INO80: variants seen among roughly 807,000 people sequenced by gnomAD.
INO80 encodes chromatin-remodeling ATPase INO80.
Under a neutral mutation model 203.4 loss-of-function variants are expected in INO80, and 20 were observed. The ratio of observed to expected loss-of-function variants is 0.10; its 90% CI spans 0.07 to 0.14. The LOEUF is 0.14. INO80 is among the 10% of genes least tolerant of loss of function. INO80 has a pLI of 1.00. For missense variants in INO80, 1,419 were observed against 1,914.4 expected, an observed-to-expected ratio of 0.74 and a Z score of 4.83; for synonymous variants, 726 against 685.2, an observed-to-expected ratio of 1.06 and a Z score of -0.93.
chr15:41,058,605 A>G, intron 16 of INO80, 34 bp downstream of exon 16: 2 of 1,592,752 alleles, frequency 1.3e-6, no homozygotes, highest in South Asian at 1.1e-5. Flanking sequence ...ACTTAACCCA[A>G]TGCATTGAGT....
At position 41,096,257 on chromosome 15, in the gene INO80, C is replaced by A. The variant is rs1280499512; in HGVS notation, c.54G>T (p.Lys18Asn). ...RDDGGCTELAKPLYLQYLERA... is the reference protein window; with the variant it reads ...RDDGGCTELANPLYLQYLERA... ...TCTCCAAGTACTGAAGATAGAGGGG[C>A]TTTGCCAGCTCAGTGCAGCCTCCAT... The change falls in exon 2 of 36, where the codon AAG (lysine) becomes AAT (asparagine). Residue 18 changes from lysine (K) to asparagine (N), a missense_variant. Lys to Asn is a moderately conservative substitution (Grantham distance 94). Transcript: ENST00000648947. 4.3e-6 allele frequency: 7 copies of A among 1,612,238 alleles called. No individual in the cohort carries two copies. In the African/African-American group the frequency reaches 9.4e-5, roughly 22 times the overall value.
intron 9 of INO80, among the ~76,000 whole-genome samples, chr15:41,075,044 T>A (rs1186221707): frequency 1.3e-5 from 2 of 152,170 alleles, no homozygotes; most frequent in African/African-American, 2.4e-5. Flanking sequence ...GCACAATGAA[T>A]AACTTTCATT....
At chr15:41,098,682 C>T (rs934526421) in intron 1 of INO80, among the ~76,000 whole-genome samples, 2 of 151,888 alleles carry the variant, frequency 1.3e-5, no homozygotes, top group Admixed American at 1.3e-4. Context: ...AAAATGAAGA[C>T]AAGCCACAGA....
At chr15:41,076,466 CTTTT>C (rs566456701) in intron 9 of INO80, among the ~76,000 whole-genome samples, 2 of 144,230 alleles carry the variant, frequency 1.4e-5, no homozygotes, top group African/African-American at 2.5e-5. Context: ...TGCAAACTTT[CTTTT>C]TTTTTTTTTT....
intron 24 of INO80, among the ~76,000 whole-genome samples, chr15:41,042,015 ATTTT>A (rs59485772): frequency 7.5e-6 from 1 of 133,942 alleles, no homozygotes; most frequent in Admixed American, 7.6e-5. Context: ...TTAATTTTTA[ATTTT>A]TTTTTTTTTT....
chr15:41,098,770 T>G (rs1471487102), intron 1 of INO80, among the ~76,000 whole-genome samples: 1 of 152,160 alleles, frequency 6.6e-6, no homozygotes, highest in Non-Finnish European at 1.5e-5. Flanking sequence ...CACAGTTGTT[T>G]GTCAGTGTGT....
At chr15:41,002,521 G>A (rs978111727) in intron 28 of INO80, among the ~76,000 whole-genome samples, 19 of 152,162 alleles carry the variant, frequency 1.2e-4, no homozygotes, top group Admixed American at 1.3e-4. Flanking sequence ...CCAGGAGAAC[G>A]ACTGCGGCTC....
Position 41,021,099 on chromosome 15 carries a change from G to A in INO80, c.3075C>T (p.Tyr1025=), listed in dbSNP as rs750685101. The change falls in exon 26 of 36, where the codon TAC becomes TAT. Residue 1025 remains tyrosine, a synonymous_variant. Transcript: ENST00000648947. The stretch of plus-strand genomic sequence containing the variant: ...CATATTCTGCACTTCGGTCATTGCA[G>A]TAAGAATCCAATGGCACTGCGGTAA... ...PRVTAVPLDS[Y]CNDRSAEYER... 6.2e-7 allele frequency: 1 copy of A among 1,613,992 alleles called. No homozygotes were observed. Among genetic ancestry groups the A allele is most frequent in the African/African-American group, 1.3e-5 (1 of 75,046 alleles).
chr15:41,008,179 C>T (rs953789809), intron 27 of INO80, among the ~76,000 whole-genome samples: 9 of 150,708 alleles, frequency 6.0e-5, no homozygotes, highest in African/African-American at 2.0e-4. Flanking sequence ...TCAAAATAAA[C>T]AAACAAAACA....
intron 14 of INO80, among the ~76,000 whole-genome samples, chr15:41,063,907 T>C (rs751244591): frequency 2.6e-5 from 4 of 151,992 alleles, no homozygotes; most frequent in Non-Finnish European, 5.9e-5. Flanking sequence ...TATCAGAAAA[T>C]ACAGACTTTT....
intron 1 of INO80, among the ~76,000 whole-genome samples, chr15:41,111,816 A>G (rs1336847455): frequency 6.6e-6 from 1 of 152,028 alleles, no homozygotes; most frequent in Non-Finnish European, 1.5e-5. Context: ...GAAAAAAAAA[A>G]ACGTTTTTGC....
At chr15:41,102,934 T>C (rs1366770931) in intron 1 of INO80, among the ~76,000 whole-genome samples, 4 of 152,142 alleles carry the variant, frequency 2.6e-5, no homozygotes, top group Non-Finnish European at 4.4e-5. Context: ...GAAAATCTCA[T>C]CTTCTACCAG....
intron 17 of INO80, among the ~76,000 whole-genome samples, chr15:41,055,649 T>C (rs1193698815): frequency 6.6e-6 from 1 of 152,232 alleles, no homozygotes; most frequent in Non-Finnish European, 1.5e-5. Flanking sequence ...GGGATAGTTT[T>C]AACGATCTTC....
intron 1 of INO80, among the ~76,000 whole-genome samples, chr15:41,112,946 G>A (rs1323623397): frequency 6.6e-6 from 1 of 151,410 alleles, no homozygotes; most frequent in Non-Finnish European, 1.5e-5. Flanking sequence ...AGCCAGCTCG[G>A]GCTCTGTCGC....
Position 41,033,931 on chromosome 15 carries a change from A to G in INO80, c.2908-6195T>C, listed in dbSNP as rs541514706. 3.4e-3 allele frequency among the ~76,000 whole-genome samples: 512 copies of G among 151,736 alleles called. 3 individuals are homozygous for G. The highest frequency in any genetic ancestry group is 0.01 in the Middle Eastern group (3 of 294). Reference sequence around the variant, plus strand: ...AAAAAAATTAGCCGGGCGTGGTGGCAGGCGCCTGTAGTCCCAGCTTCTCGG... The same window carrying G: ...AAAAAAATTAGCCGGGCGTGGTGGCGGGCGCCTGTAGTCCCAGCTTCTCGG... On this transcript the variant is annotated intron_variant, in intron 24 of 35. Coordinates refer to ENST00000648947, the MANE Select transcript of INO80 (RefSeq NM_017553.3).
At chr15:41,023,768 C>CAAAAAAAAAAAAAAAAAAAAAAAAA (rs139814568) in intron 25 of INO80, among the ~76,000 whole-genome samples, 1 of 63,560 alleles carries the variant, frequency 1.6e-5, no homozygotes, top group African/African-American at 8.1e-5. Flanking sequence ...GACTCTGTCT[C>CAAAAAAAAAAAAAAAAAAAAAAAAA]AAAAAAAAAA....
At chr15:41,001,724 C>G (rs140860980) in intron 28 of INO80, among the ~76,000 whole-genome samples, 57 of 152,290 alleles carry the variant, frequency 3.7e-4, no homozygotes, top group African/African-American at 1.4e-3. Flanking sequence ...TAGTCTCAGT[C>G]AGACTTTTTC....
At chr15:41,070,263 T>C (rs1382609897) in intron 13 of INO80, among the ~76,000 whole-genome samples, 2 of 152,172 alleles carry the variant, frequency 1.3e-5, no homozygotes, top group African/African-American at 4.8e-5. Flanking sequence ...TGTCTCAAAA[T>C]CACATGCTCA....
intron 26 of INO80, chr15:41,017,719 C>T (rs969961463): frequency 6.6e-6 from 1 of 152,342 alleles, no homozygotes; most frequent in African/African-American, 2.4e-5. Context: ...CCTGCCATTT[C>T]CCACCTTCAG....
Sources: gnomAD v4.1 joint callset for allele counts (sites outside exome capture counted in the v4.1 genomes callset) on GRCh38, gnomAD v4.1.1 for gene constraint, MANE v1.5 for transcripts, NCBI Gene and HGNC (gene_info 2026-07-23, HGNC 2026-07-21) for gene names.